Variants in ZFHX3 observed in about 807,000 individuals in gnomAD.
The protein encoded by ZFHX3 is zinc finger homeobox 3, also known as zinc finger homeobox protein 3.
In ZFHX3, 42 loss-of-function variants were observed where a neutral mutation model predicts 279.1. The ratio of observed to expected loss-of-function variants is 0.15; its 90% CI spans 0.12 to 0.19. ZFHX3 has a LOEUF of 0.19. Among genes scored for constraint, ZFHX3 ranks in the 10% least tolerant of loss-of-function variants. The pLI is 1.00. For missense variants in ZFHX3, 4,981 were observed against 4,754.0 expected (o/e 1.05, Z -1.40); for synonymous variants, 2,293 against 1,957.8 (o/e 1.17, Z -4.52).
intron 1 of ZFHX3, among the ~76,000 whole-genome samples, chr16:73,016,830 CCATTA>C (rs928907698): frequency 1.3e-5 from 2 of 152,018 alleles, no homozygotes; most frequent in African/African-American, 4.8e-5. Context: ...CAGAATCTCC[CCATTA>C]CAGCTGAAGC....
upstream of ZFHX3, among the ~76,000 whole-genome samples, chr16:73,063,509 C>T (rs1461552423): frequency 6.6e-6 from 1 of 152,156 alleles, no homozygotes; most frequent in African/African-American, 2.4e-5. Context: ...AGGCTCTGCC[C>T]TAAGGTTAAG....
rs559962052 is a variant in ZFHX3, at chr16:73,865,831, A to C, written c.-1608+25820T>G. On this transcript the variant is annotated intron_variant, in intron 1 of 17. Transcript: ENST00000641206. ...CATCCCTACTAAAAATACAAAAAAA[A>C]AAAAATAGCCGGGTGTGGTGGCAGG... Among the ~76,000 whole-genome samples the C allele has an allele frequency of 2.0e-5, 3 of 151,900 alleles. No individual in the cohort carries two copies. In the South Asian group the frequency reaches 6.3e-4, roughly 32 times the overall value.
chr16:73,732,200 G>A (rs2053574949), intron 1 of ZFHX3, among the ~76,000 whole-genome samples: 2 of 152,108 alleles, frequency 1.3e-5, no homozygotes, highest in Admixed American at 6.5e-5. Flanking sequence ...TCCCAAGAAT[G>A]GGAAGGAAGG....
At chr16:73,428,975 C>A (rs1239568910) in intron 3 of ZFHX3, among the ~76,000 whole-genome samples, 1 of 152,172 alleles carries the variant, frequency 6.6e-6, no homozygotes, top group Non-Finnish European at 1.5e-5. Context: ...ACGAGGCCAC[C>A]AAAGTCATAT....
intron 1 of ZFHX3, among the ~76,000 whole-genome samples, chr16:73,838,169 C>G (rs1387293058): frequency 2.0e-5 from 3 of 152,184 alleles, no homozygotes; most frequent in South Asian, 2.1e-4. Flanking sequence ...TACTGTATCT[C>G]TAGTGCCCCA....
intron 3 of ZFHX3, among the ~76,000 whole-genome samples, chr16:73,380,033 G>A (rs766732957): frequency 5.9e-5 from 9 of 152,060 alleles, no homozygotes; most frequent in Non-Finnish European, 7.4e-5. Flanking sequence ...GGGTGAAAAC[G>A]TAAAGTACAG....
chr16:73,233,066 AAGAC>A (rs1322144866), intron 5 of ZFHX3: 5 of 150,534 alleles, frequency 3.3e-5, no homozygotes, highest in Admixed American at 6.7e-5. Context: ...ATTACTGGAA[AAGAC>A]AGTGAAATGA....
intron 6 of ZFHX3, among the ~76,000 whole-genome samples, chr16:73,135,078 T>C (rs1165004412): frequency 6.6e-6 from 1 of 152,226 alleles, no homozygotes; most frequent in Admixed American, 6.5e-5. Context: ...ACTCTCTGAA[T>C]ACCAATATAT....
chr16:73,720,188 T>A (rs1023792339), intron 1 of ZFHX3, among the ~76,000 whole-genome samples: 10 of 152,202 alleles, frequency 6.6e-5, no homozygotes, highest in Non-Finnish European at 1.5e-4. Context: ...CAATCTCTAG[T>A]GTGGAAAAAG....
rs61671127 is a variant in ZFHX3, at chr16:73,332,013, C to G, written c.-1290-13677G>C. On this transcript the variant is annotated intron_variant, in intron 3 of 17. Coordinates refer to the ZFHX3 transcript ENST00000641206. ...AGAAGATCTCTTGAGATTCTCTTAC[C>G]CATGTTCAACTCCATGCCTTATGCT... is the stretch of plus-strand genomic sequence containing the variant. Among the ~76,000 whole-genome samples the G allele has an allele frequency of 3.2e-3, 481 of 152,252 alleles. 4 individuals are homozygous for G. The highest frequency in any genetic ancestry group is 0.011 in the African/African-American group (463 of 41,546).
chr16:73,407,354 C>G (rs1478055049), intron 3 of ZFHX3, among the ~76,000 whole-genome samples: 1 of 152,206 alleles, frequency 6.6e-6, no homozygotes, highest in Non-Finnish European at 1.5e-5. Flanking sequence ...AGGGAAGGGC[C>G]TGAATGCTGG....
At chr16:72,891,588 G>A (rs2038774990) in intron 3 of ZFHX3, among the ~76,000 whole-genome samples, 1 of 152,150 alleles carries the variant, frequency 6.6e-6, no homozygotes, top group Non-Finnish European at 1.5e-5. Context: ...CATGAAGCAA[G>A]GGAAACACTC....
chr16:73,812,254 C>T (rs967890392), intron 1 of ZFHX3, among the ~76,000 whole-genome samples: 1 of 152,190 alleles, frequency 6.6e-6, no homozygotes. Context: ...AAACACTAAG[C>T]TCCCATGGCT....
chr16:73,778,134 C>T (rs569250489), intron 1 of ZFHX3, among the ~76,000 whole-genome samples: 1 of 150,162 alleles, frequency 6.7e-6, no homozygotes, highest in Non-Finnish European at 1.5e-5. Context: ...TTGAAAATGA[C>T]CCATGCTGAG....
At chr16:73,048,465 C>G (rs1308480892), upstream of ZFHX3, 1 of 152,078 alleles carries the variant, frequency 6.6e-6, no homozygotes, top group Non-Finnish European at 1.5e-5. Context: ...GGCCAGGAAC[C>G]CTCGCCGCTC....
intron 2 of ZFHX3, among the ~76,000 whole-genome samples, chr16:73,486,496 C>T (rs140051148): frequency 6.6e-6 from 1 of 152,204 alleles, no homozygotes; most frequent in Non-Finnish European, 1.5e-5. Context: ...CACCCTCCAC[C>T]AGTAACAGTA....
intron 2 of ZFHX3, among the ~76,000 whole-genome samples, chr16:73,654,730 G>A (rs1283188660): frequency 6.6e-6 from 1 of 150,516 alleles, no homozygotes; most frequent in Non-Finnish European, 1.5e-5. Context: ...TTCAATAAGA[G>A]GCAAAAAATT....
intron 1 of ZFHX3, among the ~76,000 whole-genome samples, chr16:73,874,492 T>C (rs990534863): frequency 1.3e-5 from 2 of 152,234 alleles, no homozygotes; most frequent in Non-Finnish European, 2.9e-5. Context: ...CAAGACTCTG[T>C]TCTGACATTT....
rs66537411 is a variant in ZFHX3 at position 73,784,786 on chromosome 16, T to TAAAA, written c.-1607-104550_-1607-104547dup. Among the ~76,000 whole-genome samples, 259 of 133,802 alleles carry TAAAA rather than the reference T, an allele frequency of 1.9e-3. 6 individuals carry two copies. The highest frequency in any genetic ancestry group is 7.2e-3 in the African/African-American group (246 of 33,932). The allele number at this position is 133,802 out of a possible 152,430, so 87.8% of individuals were successfully genotyped here. ...TTTTAAAAAACTATTTTTAACAAAATAAAAAAAAAAATATATATATATATA... is the reference window on the plus strand; with the variant it reads ...TTTTAAAAAACTATTTTTAACAAAATAAAAAAAAAAAAAAATATATATATATATA... On this transcript the variant is annotated intron_variant, in intron 1 of 17. Transcript: ENST00000641206.
Sources: gnomAD v4.1 joint callset for allele counts (sites outside exome capture counted in the v4.1 genomes callset) on GRCh38, gnomAD v4.1.1 for gene constraint, MANE v1.5 for transcripts, NCBI Gene and HGNC (gene_info 2026-07-23, HGNC 2026-07-21) for gene names.